KIFC3: variants seen among roughly 807,000 people sequenced by gnomAD.
The protein encoded by KIFC3 is kinesin family member C3.
A neutral mutation model predicts 101.8 loss-of-function variants in KIFC3; 60 were observed. The ratio of observed to expected loss-of-function variants is 0.59; its 90% CI spans 0.48 to 0.73. The LOEUF is 0.73. Among genes scored for constraint, KIFC3 ranks in the 30% least tolerant of loss-of-function variants. KIFC3 has a pLI of 0.00. For synonymous variants in KIFC3, 476 were observed against 482.7 expected (o/e 0.99, Z 0.18); for missense variants, 966 against 1,137.1 (o/e 0.85, Z 2.16).
chr16:57,855,491 A>G (rs1043961640), intron 1 of KIFC3, among the ~76,000 whole-genome samples: 1 of 152,126 alleles, frequency 6.6e-6, no homozygotes, highest in Non-Finnish European at 1.5e-5. Flanking sequence ...AGTACAACAT[A>G]TAAAAATTTG....
chr16:57,816,968 C>T, intron 1 of KIFC3: 2 of 332,950 alleles, frequency 6.0e-6, no homozygotes, highest in South Asian at 4.6e-5. Context: ...TGCCGGGCAC[C>T]ATGGCATGGA....
chr16:57,826,902 C>T (rs1198317152), intron 1 of KIFC3, among the ~76,000 whole-genome samples: 46 of 152,166 alleles, frequency 3.0e-4, no homozygotes, highest in Non-Finnish European at 7.3e-5. Context: ...AGCAGAAGTG[C>T]GTCTGGGGCT....
intron 3 of KIFC3, chr16:57,774,689 A>AT (rs34004359): frequency 0.087 from 25,869 of 297,526 alleles, 699 homozygotes; most frequent in African/African-American, 0.14. Flanking sequence ...CGCCCGGCTA[A>AT]TTTTTTTTTT....
Position 57,810,619 on chromosome 16 carries a change from A to G in KIFC3, c.109-12337T>C, listed in dbSNP as rs1348316480. The G allele has an allele frequency of 4.1e-6, 4 of 983,076 alleles. No individual in the cohort carries two copies. The East Asian group carries it at 4.6e-4, about 112-fold the overall frequency. The allele number at this position is 983,076 out of a possible 1,614,324, so 60.9% of individuals were successfully genotyped here. The stretch of plus-strand genomic sequence containing the variant: ...GGAGGGGAGGGACAAACTTCCATCC[A>G]CCCCAGACAACCAGAATGTGCAGGG... On this transcript the variant is annotated intron_variant, in intron 1 of 2. Coordinates refer to the KIFC3 transcript ENST00000563028.
chr16:57,775,128 A>G (rs2051872948), intron 3 of KIFC3: 7 of 1,387,256 alleles, frequency 5.0e-6, no homozygotes, highest in Middle Eastern at 2.3e-4. Context: ...TTGCATCACA[A>G]TGGGAACCTG....
chr16:57,799,950 C>G (rs2054613699), intron 1 of KIFC3, among the ~76,000 whole-genome samples: 1 of 151,772 alleles, frequency 6.6e-6, no homozygotes, highest in South Asian at 2.1e-4. Flanking sequence ...TCGGAGGGCT[C>G]AAAGAGTGGG....
chr16:57,834,951 G>C (rs2055656143), intron 1 of KIFC3, among the ~76,000 whole-genome samples: 1 of 152,236 alleles, frequency 6.6e-6, no homozygotes, highest in Admixed American at 6.5e-5. Context: ...TTCCCAAGGA[G>C]GTAGATCTGA....
At position 57,758,676 on chromosome 16, in the gene KIFC3, G is replaced by A. The variant is rs190649061; in HGVS notation, c.*258C>T. 3.5e-5 allele frequency: 25 copies of A among 713,684 alleles called. No individual in the cohort carries two copies. The highest frequency in any genetic ancestry group is 6.0e-5 in the Admixed American group (3 of 49,972). The allele number at this position is 713,684 out of a possible 1,614,324, so 44.2% of individuals were successfully genotyped here. ...TGATGGCCCAGGCCTGCCAGGAAGA[G>A]CAGCCACCCCCGCCTTTCCGCCCAT... On this transcript the variant is annotated 3_prime_UTR_variant, in exon 20 of 20. Coordinates refer to ENST00000445690, the MANE Select transcript of KIFC3 (RefSeq NM_001130100.2).
chr16:57,802,621 G>T, upstream of KIFC3: 4 of 1,014,280 alleles, frequency 3.9e-6, no homozygotes, highest in South Asian at 1.4e-4. This position sits in a 1 kb window ranked among gnomAD's most constrained non-coding sequence, Gnocchi z 5.0. Context: ...GCGTCAGCCC[G>T]GGCGCGCCCC....
At chr16:57,848,086 T>A (rs2055973995) in intron 1 of KIFC3, among the ~76,000 whole-genome samples, 1 of 152,210 alleles carries the variant, frequency 6.6e-6, no homozygotes, top group Admixed American at 6.5e-5. Flanking sequence ...ATGCTTGGCC[T>A]GGATGCCAGA....
intron 2 of KIFC3, 42 bp from the exon 3 acceptor site, chr16:57,795,183 G>A (rs1555622189): frequency 1.3e-6 from 2 of 1,594,548 alleles, no homozygotes; most frequent in African/African-American, 1.4e-5. Context: ...TCCGACCACT[G>A]GCCAAAGACT....
chr16:57,796,555 G>C (rs1472047958), intron 2 of KIFC3, among the ~76,000 whole-genome samples: 1 of 152,230 alleles, frequency 6.6e-6, no homozygotes, highest in Non-Finnish European at 1.5e-5. Flanking sequence ...GGGGCCTGGG[G>C]CAGCTGAGCT....
At chr16:57,790,078 C>CTTTCTTTCT (rs59016221) in intron 3 of KIFC3, among the ~76,000 whole-genome samples, 43,229 of 93,776 alleles carry the variant, frequency 0.46, 11,469 homozygotes, top group Non-Finnish European at 0.6. Context: ...TTCTTTCTTT[C>CTTTCTTTCT]TTTTTTTTTT....
intron 1 of KIFC3, among the ~76,000 whole-genome samples, chr16:57,836,320 C>T (rs185250134): frequency 1.3e-5 from 2 of 152,276 alleles, no homozygotes; most frequent in Non-Finnish European, 2.9e-5. Flanking sequence ...ACCATGTTGC[C>T]CAGTCTGGTC....
intron 2 of KIFC3, among the ~76,000 whole-genome samples, chr16:57,796,888 G>C (rs2054366785): frequency 6.6e-6 from 1 of 152,166 alleles, no homozygotes; most frequent in Admixed American, 6.5e-5. Flanking sequence ...TACCGGAAAA[G>C]CAATACTCAT....
chr16:57,773,757 TA>T (rs2051619204), intron 3 of KIFC3: 2 of 152,192 alleles, frequency 1.3e-5, no homozygotes, highest in South Asian at 4.1e-4. Flanking sequence ...GGGGTGTGTG[TA>T]AAATCTCCCT....
intron 1 of KIFC3, among the ~76,000 whole-genome samples, chr16:57,841,028 C>T (rs371496190): frequency 6.6e-6 from 1 of 152,218 alleles, no homozygotes; most frequent in Non-Finnish European, 1.5e-5. Context: ...TCTGCAGTCT[C>T]TTCTTCAGCA....
intron 2 of KIFC3, among the ~76,000 whole-genome samples, chr16:57,795,886 T>TA: frequency 3.6e-5 from 1 of 27,830 alleles, no homozygotes; most frequent in Non-Finnish European, 1.1e-4. Context: ...GCTTTTTTGT[T>TA]TTTTTTTTTT....
At chr16:57,827,608 C>T (rs1313926580) in intron 1 of KIFC3, among the ~76,000 whole-genome samples, 1 of 152,214 alleles carries the variant, frequency 6.6e-6, no homozygotes, top group Non-Finnish European at 1.5e-5. Flanking sequence ...ACCACAACCT[C>T]CCTGTCCCAT....
Sources: allele counts gnomAD v4.1 joint callset (sites outside exome capture counted in the v4.1 genomes callset), GRCh38; gene constraint gnomAD v4.1.1; non-coding constraint Gnocchi (gnomAD v3.1); transcripts MANE v1.5; gene names NCBI Gene and HGNC (gene_info 2026-07-23, HGNC 2026-07-21).